The following STAG3 variants were observed in gnomAD, a reference collection of about 807,000 sequenced individuals.
The protein encoded by STAG3 is STAG3 cohesin complex component, also known as cohesin subunit SA-3.
Under a neutral mutation model 160.7 loss-of-function variants are expected in STAG3, and 101 were observed. The ratio of observed to expected loss-of-function variants is 0.63; its 90% CI spans 0.54 to 0.74. The LOEUF (loss-of-function observed/expected upper bound fraction) is 0.74. STAG3 is among the 30% of genes least tolerant of loss of function. STAG3 has a pLI of 0.00. For synonymous variants in STAG3, 519 were observed against 585.0 expected, an observed-to-expected ratio of 0.89 and a Z score of 1.63; for missense variants, 1,188 against 1,517.4, an observed-to-expected ratio of 0.78 and a Z score of 3.61.
chr7:100,189,560 T>C lies in STAG3; in HGVS notation c.831T>C (p.Pro277=). Residue 277 remains proline, a synonymous_variant, in exon 8 of 34, where the codon CCT becomes CCC. Coordinates refer to ENST00000615138, the MANE Select transcript of STAG3 (RefSeq NM_001282717.2). The part of the protein sequence containing the change: ...ERNKGPGQRA[P]ERLESLLEKR... ...ACAAGGGGCCAGGGCAGAGGGCACC[T>C]GAGCGGCTGGAGAGCCTGTTGGAGA... 3 of 1,614,062 alleles carry C rather than the reference T, an allele frequency of 1.9e-6. No homozygotes were observed. Among genetic ancestry groups the C allele is most frequent in the Non-Finnish European group, 2.5e-6 (3 of 1,179,968 alleles).
chr7:100,192,411 C>G (rs1180073589), intron 8 of STAG3, among the ~76,000 whole-genome samples: 1 of 152,142 alleles, frequency 6.6e-6, no homozygotes, highest in Non-Finnish European at 1.5e-5. Context: ...GTAATCCCAG[C>G]TACTTGGGAG....
intron 5 of STAG3, 127 bp from the exon 6 acceptor site, chr7:100,188,326 G>A (rs1429560966): frequency 1.3e-6 from 1 of 776,530 alleles, no homozygotes; most frequent in Non-Finnish European, 2.4e-6. Context: ...TGTTGACCAG[G>A]GGGTCTTCTC....
At position 100,189,528 on chromosome 7, in the gene STAG3, G is replaced by C. The variant is rs1163309601; in HGVS notation, c.799G>C (p.Glu267Gln). The part of the protein sequence containing the change: ...QDNNQRQYEA[E>Q]RNKGPGQRAP... ...TAACAATCAGCGTCAGTATGAGGCTGAAAGAAACAAGGGGCCAGGGCAGAG... is the reference window on the plus strand; with the variant it reads ...TAACAATCAGCGTCAGTATGAGGCTCAAAGAAACAAGGGGCCAGGGCAGAG... The change falls in exon 8 of 34, where the codon GAA becomes CAA. Residue 267 changes from glutamate to glutamine, a missense_variant. Physicochemically the swap from Glu to Gln is conservative, Grantham distance 29. Transcript: ENST00000615138. 1 of 1,614,172 alleles carries C rather than the reference G, an allele frequency of 6.2e-7. No homozygotes were observed. The highest frequency in any genetic ancestry group is 8.5e-7 in the Non-Finnish European group (1 of 1,180,024).
intron 32 of STAG3, chr7:100,212,562 TCTC>T (rs1334263269): frequency 6.6e-6 from 1 of 152,180 alleles, no homozygotes; most frequent in Non-Finnish European, 1.5e-5. Flanking sequence ...CTCAAGCAAT[TCTC>T]CTGCCTCAGA....
rs1433590029 is a variant in STAG3 at position 100,177,967 on chromosome 7, T to G, written c.-103T>G. 1 of 152,480 alleles carries G rather than the reference T, an allele frequency of 6.6e-6. No individual in the cohort carries two copies. The highest frequency in any genetic ancestry group is 1.5e-5 in the Non-Finnish European group (1 of 68,222). 9.4% of individuals were successfully genotyped at this position (152,480 alleles called of 1,614,324 possible). ...GGAAGGGCAGCGGCGGGCGCCTGTG[T>G]GGAAGGTGGGGTGGCCAGAGACACC... On this transcript the variant is annotated 5_prime_UTR_variant, in exon 1 of 34. Coordinates refer to ENST00000615138, the MANE Select transcript of STAG3 (RefSeq NM_001282717.2).
chr7:100,216,506 A>C (rs1802763172), downstream of STAG3, among the ~76,000 whole-genome samples: 1 of 152,160 alleles, frequency 6.6e-6, no homozygotes, highest in African/African-American at 2.4e-5. Flanking sequence ...GTTCAGTTGA[A>C]AGTTCAGTTT....
intron 5 of STAG3, 46 bp downstream of exon 5, chr7:100,186,342 A>G: frequency 1.3e-6 from 2 of 1,491,948 alleles, no homozygotes; most frequent in Non-Finnish European, 1.9e-6. Context: ...TTTTGTTCCT[A>G]TGTTATGAAA....
At chr7:100,206,813 T>C (rs1322052041) in intron 29 of STAG3, among the ~76,000 whole-genome samples, 1 of 152,176 alleles carries the variant, frequency 6.6e-6, no homozygotes, top group Non-Finnish European at 1.5e-5. Context: ...ATTCACTGAA[T>C]TGTACAACCA....
downstream of STAG3, chr7:100,218,240 C>A: frequency 6.2e-6 from 1 of 161,086 alleles, no homozygotes; most frequent in Non-Finnish European, 1.3e-5. Flanking sequence ...CTCTGTATGG[C>A]CTGGTTTTTC....
At chr7:100,188,590 C>T in intron 6 of STAG3, 61 bp downstream of exon 6, 3 of 1,324,528 alleles carry the variant, frequency 2.3e-6, no homozygotes, top group Non-Finnish European at 3.3e-6. Flanking sequence ...TGCCTATTAT[C>T]CCCTTCTTTT....
At chr7:100,205,204 T>C (rs781140572) in intron 28 of STAG3, 23 bp from the exon 29 acceptor site, 1 of 1,613,254 alleles carries the variant, frequency 6.2e-7, no homozygotes, top group African/African-American at 1.3e-5. Context: ...CCCTTCAGGC[T>C]TTTGGTTCTA....
intron 8 of STAG3, among the ~76,000 whole-genome samples, chr7:100,191,140 A>G (rs942769315): frequency 2.6e-5 from 4 of 151,986 alleles, no homozygotes; most frequent in African/African-American, 4.8e-5. Context: ...CTGTCCTGCC[A>G]TGGTAGGATG....
intron 7 of STAG3, among the ~76,000 whole-genome samples, 166 bp from the exon 8 acceptor site, chr7:100,189,279 C>T (rs1204920376): frequency 6.6e-6 from 1 of 152,144 alleles, no homozygotes; most frequent in Non-Finnish European, 1.5e-5. Flanking sequence ...CACAAGGGTT[C>T]GAGGGAAACA....
chr7:100,214,459 C>T (rs1214938671), downstream of STAG3: 4 of 209,714 alleles, frequency 1.9e-5, no homozygotes, highest in African/African-American at 4.6e-5. Context: ...CATGGCCCAG[C>T]ATATAGATGT....
intron 21 of STAG3, 62 bp downstream of exon 21, chr7:100,201,413 C>T: frequency 2.8e-6 from 4 of 1,453,398 alleles, no homozygotes; most frequent in Non-Finnish European, 3.9e-6. Context: ...GACCTACGTT[C>T]TAGGTGGCCA....
chr7:100,187,030 G>T (rs1187629949), intron 5 of STAG3, among the ~76,000 whole-genome samples: 1 of 149,250 alleles, frequency 6.7e-6, no homozygotes, highest in African/African-American at 2.5e-5. Flanking sequence ...TCTTTGTTTT[G>T]TTTTTTTTTG....
At chr7:100,187,864 C>A (rs1800124749) in intron 5 of STAG3, among the ~76,000 whole-genome samples, 1 of 150,826 alleles carries the variant, frequency 6.6e-6, no homozygotes, top group Non-Finnish European at 1.5e-5. Flanking sequence ...TCAAGCGATT[C>A]TCCTGCCTCA....
chr7:100,195,868 G>A (rs763850928), intron 9 of STAG3, among the ~76,000 whole-genome samples: 3 of 152,130 alleles, frequency 2.0e-5, no homozygotes, highest in African/African-American at 2.4e-5. Flanking sequence ...GGTGGCTCAC[G>A]CCTGTAATCC....
chr7:100,182,121 A>G lies in STAG3; in HGVS notation c.148A>G (p.Thr50Ala), dbSNP rs778737784. 2 of 1,613,764 alleles carry G rather than the reference A, an allele frequency of 1.2e-6. No individual in the cohort carries two copies. The highest frequency in any genetic ancestry group is 1.7e-5 in the Admixed American group (1 of 60,010). ...NGDSLLADED[T>A]DFEDSLNRNV... ...CGACTCTTTGTTAGCTGATGAAGAC[A>G]CTGACTTTGAAGACAGCTTGAATCG... The change falls in exon 3 of 34, where the codon ACT becomes GCT. Residue 50 changes from threonine (T) to alanine (A), a missense_variant. By Grantham distance (58) the Thr-to-Ala change is moderately conservative. Around this residue, in one of 4 missense-constraint regions of STAG3, gnomAD observed 296 missense variants for 404.0 expected, o/e 0.73. Coordinates refer to ENST00000615138, the MANE Select transcript of STAG3 (RefSeq NM_001282717.2).
Sources: gnomAD v4.1 joint callset for allele counts (sites outside exome capture counted in the v4.1 genomes callset) on GRCh38, gnomAD v4.1.1 for gene constraint, gnomAD v4.1.1 regional missense constraint, MANE v1.5 for transcripts, NCBI Gene and HGNC (gene_info 2026-07-23, HGNC 2026-07-21) for gene names.